The following TBC1D5 variants were observed in gnomAD, a reference collection of about 807,000 sequenced individuals.
The protein encoded by TBC1D5 is TBC1 domain family, member 5.
A neutral mutation model predicts 100.3 loss-of-function variants in TBC1D5; 75 were observed. The ratio of observed to expected loss-of-function variants is 0.75; its 90% CI spans 0.62 to 0.91. The LOEUF (loss-of-function observed/expected upper bound fraction) is 0.91. Among genes scored for constraint, TBC1D5 ranks in the 40% least tolerant of loss-of-function variants. TBC1D5 has a pLI of 0.00. For synonymous variants in TBC1D5, 323 were observed against 325.6 expected, an observed-to-expected ratio of 0.99 and a Z score of 0.09; for missense variants, 910 against 942.4, an observed-to-expected ratio of 0.97 and a Z score of 0.45.
chr3:17,521,153 G>A (rs985214633), intron 2 of TBC1D5, among the ~76,000 whole-genome samples: 1 of 152,142 alleles, frequency 6.6e-6, no homozygotes, highest in Middle Eastern at 3.2e-3. Flanking sequence ...GAATACAAGA[G>A]CTGCTGAGTA....
chr3:17,416,384 C>T (rs990472766), intron 4 of TBC1D5, among the ~76,000 whole-genome samples: 2 of 152,134 alleles, frequency 1.3e-5, no homozygotes, highest in Non-Finnish European at 2.9e-5. Flanking sequence ...ATTTAAATAG[C>T]TTCATATTGC....
chr3:17,203,859 G>A (rs563977779), intron 18 of TBC1D5, among the ~76,000 whole-genome samples: 1 of 152,142 alleles, frequency 6.6e-6, no homozygotes, highest in African/African-American at 2.4e-5. Context: ...GTTCCTGATA[G>A]CAATAAGAGA....
intron 1 of TBC1D5, among the ~76,000 whole-genome samples, chr3:17,733,835 G>A (rs2076754769): frequency 6.7e-6 from 1 of 150,280 alleles, no homozygotes; most frequent in Non-Finnish European, 1.5e-5. Context: ...AGAATTAACT[G>A]AAAAGCCATT....
chr3:17,157,242 A>G (rs897313665), exon 22 of TBC1D5: 1 of 152,266 alleles, frequency 6.6e-6, no homozygotes, highest in Admixed American at 6.5e-5. Flanking sequence ...TTCTTAAATC[A>G]GTATGAGTTA....
intron 18 of TBC1D5, among the ~76,000 whole-genome samples, chr3:17,200,402 C>G (rs1204382770): frequency 6.6e-6 from 1 of 152,216 alleles, no homozygotes; most frequent in Non-Finnish European, 1.5e-5. Flanking sequence ...CACCTCCTGT[C>G]AGATCAGCAG....
intron 2 of TBC1D5, among the ~76,000 whole-genome samples, chr3:17,529,549 A>G (rs1044658329): frequency 6.6e-6 from 1 of 152,120 alleles, no homozygotes; most frequent in African/African-American, 2.4e-5. Flanking sequence ...ATATATACAT[A>G]TATGTGTATT....
intron 12 of TBC1D5, among the ~76,000 whole-genome samples, chr3:17,374,050 G>T (rs547728921): frequency 6.6e-6 from 1 of 152,158 alleles, no homozygotes; most frequent in East Asian, 1.9e-4. Context: ...TGAATAAGAG[G>T]AAGAGTAAGA....
At chr3:17,620,476 A>G (rs2062568354) in intron 2 of TBC1D5, among the ~76,000 whole-genome samples, 1 of 152,264 alleles carries the variant, frequency 6.6e-6, no homozygotes, top group Non-Finnish European at 1.5e-5. Flanking sequence ...GCAAAAACGA[A>G]TGAGGAAAAT....
At chr3:17,302,719 G>A (rs973462657) in intron 14 of TBC1D5, among the ~76,000 whole-genome samples, 13 of 152,134 alleles carry the variant, frequency 8.5e-5, no homozygotes, top group African/African-American at 3.1e-4. Flanking sequence ...TGCACCCCAA[G>A]GAAGGCATGT....
chr3:17,211,001 C>CA (rs1460972630), intron 18 of TBC1D5, among the ~76,000 whole-genome samples: 2 of 152,042 alleles, frequency 1.3e-5, no homozygotes, highest in Non-Finnish European at 1.5e-5. Context: ...ATTTAGAGAA[C>CA]AAAAAAATCT....
rs1419111475 is a variant in TBC1D5 at position 17,700,141 on chromosome 3, T to C, written c.-101+39202A>G. The C allele has an allele frequency of 3.4e-5, 5 of 147,808 alleles. No homozygotes were observed. The Admixed American group carries it at 3.4e-4, about 10-fold the overall frequency. 9.2% of individuals were successfully genotyped at this position (147,808 alleles called of 1,614,324 possible). On this transcript the variant is annotated intron_variant, in intron 1 of 21. Coordinates refer to ENST00000253692, the Ensembl canonical transcript of TBC1D5. Reference sequence around the variant, plus strand: ...CCACTAATAAACTGAAAGGGAACACTTGAAAAATGACAGACAAAAAAAAAA... The same window carrying C: ...CCACTAATAAACTGAAAGGGAACACCTGAAAAATGACAGACAAAAAAAAAA...
chr3:17,230,455 G>A (rs1400237193), intron 17 of TBC1D5, among the ~76,000 whole-genome samples: 1 of 152,060 alleles, frequency 6.6e-6, no homozygotes, highest in Admixed American at 6.6e-5. Context: ...CTGGCAGAAA[G>A]GTGGGAGGAG....
At chr3:17,324,036 T>G (rs1429901716) in intron 13 of TBC1D5, among the ~76,000 whole-genome samples, 1 of 152,214 alleles carries the variant, frequency 6.6e-6, no homozygotes, top group Non-Finnish European at 1.5e-5. Context: ...GGTCAATTGA[T>G]TCTTGCTAAA....
At chr3:17,325,885 AT>A (rs1325815913) in intron 13 of TBC1D5, among the ~76,000 whole-genome samples, 2 of 152,182 alleles carry the variant, frequency 1.3e-5, no homozygotes, top group Admixed American at 6.5e-5. Flanking sequence ...CTTAAAAAAA[AT>A]GACCTATACA....
intron 1 of TBC1D5, among the ~76,000 whole-genome samples, chr3:17,689,589 A>G (rs1322517983): frequency 6.6e-6 from 1 of 152,124 alleles, no homozygotes. Flanking sequence ...AAAATGTAAT[A>G]AAAGATAAAT....
intron 1 of TBC1D5, among the ~76,000 whole-genome samples, chr3:17,648,116 C>T (rs566583279): frequency 6.1e-4 from 93 of 152,166 alleles, no homozygotes; most frequent in African/African-American, 2.1e-3. Flanking sequence ...CAGCATGGTA[C>T]GGGTACAAAA....
At chr3:17,287,068 G>C (rs923915902) in intron 15 of TBC1D5, among the ~76,000 whole-genome samples, 3 of 152,198 alleles carry the variant, frequency 2.0e-5, no homozygotes, top group African/African-American at 4.8e-5. Context: ...TAAGGAACTA[G>C]ATGCTCTTTA....
intron 1 of TBC1D5, among the ~76,000 whole-genome samples, chr3:17,638,708 T>C (rs891221080): frequency 2.0e-5 from 3 of 152,222 alleles, no homozygotes; most frequent in East Asian, 1.9e-4. Flanking sequence ...CCATTTTTCA[T>C]ATTATGGCTG....
At chr3:17,326,534 A>G (rs2086165211) in intron 13 of TBC1D5, among the ~76,000 whole-genome samples, 1 of 152,186 alleles carries the variant, frequency 6.6e-6, no homozygotes, top group African/African-American at 2.4e-5. Context: ...GTATAGCTGT[A>G]CAATCATGGC....
Sources: allele counts gnomAD v4.1 joint callset (sites outside exome capture counted in the v4.1 genomes callset), GRCh38; gene constraint gnomAD v4.1.1; transcripts MANE v1.5; gene names NCBI Gene and HGNC (gene_info 2026-07-23, HGNC 2026-07-21).